Variants in AGAP1 observed in about 807,000 individuals in gnomAD.
AGAP1 encodes arf-GAP with GTPase, ANK repeat and PH domain-containing protein 1.
Under a neutral mutation model 105.3 loss-of-function variants are expected in AGAP1, and 29 were observed. The ratio of observed to expected loss-of-function variants is 0.28; its 90% CI spans 0.21 to 0.38. The LOEUF is 0.38. Among genes scored for constraint, AGAP1 ranks in the 10% least tolerant of loss-of-function variants. The pLI is 1.00. For synonymous variants in AGAP1, 509 were observed against 485.9 expected (o/e 1.05, Z -0.63); for missense variants, 998 against 1,165.1 (o/e 0.86, Z 2.09).
chr2:235,758,343 A>G (rs889095736), intron 6 of AGAP1, among the ~76,000 whole-genome samples: 5 of 152,128 alleles, frequency 3.3e-5, no homozygotes, highest in African/African-American at 1.2e-4. Flanking sequence ...ACGGCTTATG[A>G]TGTAGGATAG....
At chr2:235,671,574 G>A (rs554532427) in intron 1 of AGAP1, among the ~76,000 whole-genome samples, 1 of 152,324 alleles carries the variant, frequency 6.6e-6, no homozygotes, top group African/African-American at 2.4e-5. Flanking sequence ...CGTGGCCCTC[G>A]GTATTGAGCT....
At chr2:235,562,577 A>C (rs977789434) in intron 1 of AGAP1, among the ~76,000 whole-genome samples, 2 of 152,088 alleles carry the variant, frequency 1.3e-5, no homozygotes, top group Non-Finnish European at 2.9e-5. Context: ...GTGGCCTGGC[A>C]GACTCAGGAC....
Position 236,087,276 on chromosome 2 carries a change from G to C in AGAP1, c.2115-32916G>C, listed in dbSNP as rs932682182. Among the ~76,000 whole-genome samples the C allele has an allele frequency of 1.4e-4, 22 of 152,104 alleles. No individual in the cohort carries two copies. Among genetic ancestry groups the C allele is most frequent in the African/African-American group, 5.3e-4 (22 of 41,412 alleles). ...ACAGGGCATTCCAGTGTTATTTAGG[G>C]GTCGAGGTGGGAATGAGAGGAAGCC... On this transcript the variant is annotated intron_variant, in intron 16 of 17. Transcript: ENST00000304032. The surrounding 1 kb of genome is among the most constrained non-coding windows in gnomAD (Gnocchi z 5.7).
intron 6 of AGAP1, among the ~76,000 whole-genome samples, chr2:235,767,685 C>A (rs1955078496): frequency 6.6e-6 from 1 of 151,816 alleles, no homozygotes; most frequent in Non-Finnish European, 1.5e-5. Context: ...CTGCTGTGTT[C>A]CCTGTGGGGT....
intron 9 of AGAP1, among the ~76,000 whole-genome samples, chr2:235,816,043 T>C (rs562770494): frequency 6.6e-6 from 1 of 152,322 alleles, no homozygotes; most frequent in East Asian, 1.9e-4. Context: ...TCACTGTCCG[T>C]CAGTTGTGTC....
At chr2:235,807,214 T>TG in intron 8 of AGAP1, 25 bp from the exon 9 acceptor site, 1 of 1,607,220 alleles carries the variant, frequency 6.2e-7, no homozygotes, top group Non-Finnish European at 8.5e-7. Context: ...CTTACCCAGA[T>TG]GCCAACTTTC....
rs1048186471 is a variant in AGAP1, at chr2:235,963,162, G to C, written c.1484-5300G>C. 2.0e-5 allele frequency among the ~76,000 whole-genome samples: 3 copies of C among 152,142 alleles called. No homozygotes were observed. The highest frequency in any genetic ancestry group is 7.2e-5 in the African/African-American group (3 of 41,408). ...AGCTGCTTCCTCCAGGTGAGTCCGGGATTTCTCGGACTCACCAAGAGAATT... is the reference window on the plus strand; with the variant it reads ...AGCTGCTTCCTCCAGGTGAGTCCGGCATTTCTCGGACTCACCAAGAGAATT... On this transcript the variant is annotated intron_variant, in intron 12 of 17. Coordinates refer to ENST00000304032, the MANE Select transcript of AGAP1 (RefSeq NM_001037131.3). The surrounding 1 kb of genome is among the most constrained non-coding windows in gnomAD (Gnocchi z 5.1).
At chr2:235,497,719 C>G (rs1410987922) in intron 1 of AGAP1, among the ~76,000 whole-genome samples, 1 of 152,190 alleles carries the variant, frequency 6.6e-6, no homozygotes, top group Non-Finnish European at 1.5e-5. Flanking sequence ...CTCAGCCTCC[C>G]GAGTAGCTGG....
chr2:236,075,151 G>A (rs2058602624), intron 16 of AGAP1, among the ~76,000 whole-genome samples: 1 of 152,206 alleles, frequency 6.6e-6, no homozygotes, highest in Non-Finnish European at 1.5e-5. Flanking sequence ...AGGAGAAGCG[G>A]TTGCGTCGGT....
chr2:235,857,819 A>G (rs1221868027), intron 9 of AGAP1, among the ~76,000 whole-genome samples: 1 of 152,250 alleles, frequency 6.6e-6, no homozygotes, highest in Admixed American at 6.5e-5. Context: ...TTGACTGGGT[A>G]TAAAGAGTTT....
chr2:235,625,394 T>C lies in AGAP1; in HGVS notation c.164-83785T>C, dbSNP rs1691453951. On this transcript the variant is annotated intron_variant, in intron 1 of 17. Coordinates refer to ENST00000304032, the MANE Select transcript of AGAP1 (RefSeq NM_001037131.3). The surrounding 1 kb of genome is among the most constrained non-coding windows in gnomAD (Gnocchi z 4.0). ...AGCTGAGGCAGCTGGAAGAAATTCA[T>C]GGGAGTCCTGCATCGCTGAGGTCAG... Among the ~76,000 whole-genome samples the C allele has an allele frequency of 6.6e-6, 1 of 152,172 alleles. No individual in the cohort carries two copies. The highest frequency in any genetic ancestry group is 2.4e-5 in the African/African-American group (1 of 41,448).
In AGAP1 at chr2:236,087,798, A is replaced by C. The variant is rs369318583; in HGVS notation, c.2115-32394A>C. ...GTCCATTAAACTAGATTGATTATTT[A>C]ATATCACAAGGCTTTTGAATGGGCT... On this transcript the variant is annotated intron_variant, in intron 16 of 17. Coordinates refer to ENST00000304032, the MANE Select transcript of AGAP1 (RefSeq NM_001037131.3). This position sits in a 1 kb window ranked among gnomAD's most constrained non-coding sequence, Gnocchi z 5.7. Among the ~76,000 whole-genome samples the C allele has an allele frequency of 1.7e-4, 26 of 152,304 alleles. No individual in the cohort carries two copies. The South Asian group carries it at 4.8e-3, about 28-fold the overall frequency.
intron 9 of AGAP1, among the ~76,000 whole-genome samples, chr2:235,848,316 C>G (rs112341849): frequency 2.0e-5 from 3 of 152,304 alleles, no homozygotes; most frequent in Middle Eastern, 3.4e-3. Context: ...GGCCTGTGCC[C>G]TCATCACTCC....
chr2:236,067,563 G>A (rs2058379227), intron 16 of AGAP1, among the ~76,000 whole-genome samples: 1 of 152,186 alleles, frequency 6.6e-6, no homozygotes, highest in African/African-American at 2.4e-5. Context: ...ATTTGAGAAA[G>A]TAAAGATGTT....
chr2:235,990,891 A>G (rs904916912), intron 13 of AGAP1, among the ~76,000 whole-genome samples: 1 of 152,232 alleles, frequency 6.6e-6, no homozygotes, highest in Non-Finnish European at 1.5e-5. Context: ...AAGATAGAGT[A>G]AGAGGAATTG....
intron 1 of AGAP1, among the ~76,000 whole-genome samples, chr2:235,548,238 TC>T (rs1943691130): frequency 6.6e-6 from 1 of 152,224 alleles, no homozygotes; most frequent in Non-Finnish European, 1.5e-5. Context: ...CACACTGCTC[TC>T]CTGTTCCTGT....
chr2:235,797,915 T>TG, intron 7 of AGAP1, 29 bp downstream of exon 7: 1 of 1,612,912 alleles, frequency 6.2e-7, no homozygotes, highest in Non-Finnish European at 8.5e-7. Context: ...GAAGTCAGAC[T>TG]CTTAGAACCA....
intron 9 of AGAP1, among the ~76,000 whole-genome samples, chr2:235,881,188 G>A (rs1256653772): frequency 1.3e-5 from 2 of 152,146 alleles, no homozygotes; most frequent in African/African-American, 4.8e-5. Context: ...TTACGATCTA[G>A]TAAATAAAAA....
intron 12 of AGAP1, among the ~76,000 whole-genome samples, chr2:235,943,669 A>G (rs1195708507): frequency 6.6e-6 from 1 of 152,132 alleles, no homozygotes; most frequent in African/African-American, 2.4e-5. Flanking sequence ...TTTGGGGGGT[A>G]TCGAGAAGAA....
Sources: gnomAD v4.1 joint callset for allele counts (sites outside exome capture counted in the v4.1 genomes callset) on GRCh38, gnomAD v4.1.1 for gene constraint, Gnocchi (gnomAD v3.1) non-coding constraint, MANE v1.5 for transcripts, NCBI Gene and HGNC (gene_info 2026-07-23, HGNC 2026-07-21) for gene names.